METAP1: variants seen among roughly 807,000 people sequenced by gnomAD.
METAP1 encodes the protein methionine aminopeptidase 1.
A neutral mutation model predicts 53.8 loss-of-function variants in METAP1; 28 were observed. The ratio of observed to expected loss-of-function variants is 0.52; its 90% CI spans 0.39 to 0.71. The LOEUF is 0.71. Ranked by LOEUF, METAP1 falls within the 30% of genes least tolerant of loss-of-function variation. The pLI is 0.00. For synonymous variants in METAP1, 181 were observed against 165.7 expected, an observed-to-expected ratio of 1.09 and a Z score of -0.71; for missense variants, 389 against 479.8, an observed-to-expected ratio of 0.81 and a Z score of 1.77.
chr4:99,029,651 T>G (rs1445913106), intron 2 of METAP1, among the ~76,000 whole-genome samples: 1 of 152,146 alleles, frequency 6.6e-6, no homozygotes, highest in Admixed American at 6.6e-5. Context: ...GGAAATAACA[T>G]GGTTATTTAT....
intron 1 of METAP1, chr4:99,022,781 G>T (rs2110311399): frequency 3.1e-6 from 5 of 1,601,598 alleles, no homozygotes; most frequent in East Asian, 2.3e-5. Context: ...CACACTCTTG[G>T]CTATGCGCTT....
At chr4:99,009,090 G>C (rs1326993884) in intron 1 of METAP1, among the ~76,000 whole-genome samples, 2 of 152,074 alleles carry the variant, frequency 1.3e-5, no homozygotes, top group Admixed American at 1.3e-4. Context: ...GTAGGAATTT[G>C]ACTACTTTAG....
intron 1 of METAP1, among the ~76,000 whole-genome samples, chr4:99,025,944 G>A (rs1401203153): frequency 6.6e-6 from 1 of 152,188 alleles, no homozygotes; most frequent in Non-Finnish European, 1.5e-5. Context: ...GTCAGAATAT[G>A]TTTAAATCTA....
At chr4:99,021,646 A>G (rs372474534) in intron 1 of METAP1, among the ~76,000 whole-genome samples, 4 of 152,318 alleles carry the variant, frequency 2.6e-5, no homozygotes, top group South Asian at 2.1e-4. Flanking sequence ...CAAAGGAGAC[A>G]GGGACATTTA....
chr4:99,007,575 T>C (rs1452446961), intron 1 of METAP1, among the ~76,000 whole-genome samples: 1 of 152,072 alleles, frequency 6.6e-6, no homozygotes, highest in Non-Finnish European at 1.5e-5. Context: ...TTTTTTTTTT[T>C]CTGTAAGGTA....
chr4:99,027,551 C>G (rs1213571811), intron 1 of METAP1, among the ~76,000 whole-genome samples: 1 of 151,844 alleles, frequency 6.6e-6, no homozygotes, highest in Non-Finnish European at 1.5e-5. Context: ...GTCACCCCCC[C>G]CCCGCCTTTG....
At chr4:99,012,407 C>T (rs1463941987) in intron 1 of METAP1, among the ~76,000 whole-genome samples, 3 of 151,302 alleles carry the variant, frequency 2.0e-5, no homozygotes, top group Non-Finnish European at 4.4e-5. Context: ...AGTAGCTGCA[C>T]TGACTTACAG....
chr4:99,031,696 A>G (rs1416549728), intron 2 of METAP1: 1 of 847,116 alleles, frequency 1.2e-6, no homozygotes, highest in Admixed American at 2.3e-5. Context: ...CATCTCTGGA[A>G]GACTTGAGTC....
chr4:99,050,571 A>G (rs1372707865), intron 9 of METAP1, among the ~76,000 whole-genome samples: 2 of 152,194 alleles, frequency 1.3e-5, no homozygotes, highest in African/African-American at 2.4e-5. Flanking sequence ...GGCCGCAGAC[A>G]GGTACCAATC....
At chr4:99,027,439 A>T (rs1345472491) in intron 1 of METAP1, among the ~76,000 whole-genome samples, 1 of 152,102 alleles carries the variant, frequency 6.6e-6, no homozygotes, top group African/African-American at 2.4e-5. Flanking sequence ...CCTGCAGAAC[A>T]GACATGGTTT....
In METAP1 at chr4:99,031,553, G is replaced by C. The variant is rs934689153; in HGVS notation, c.166+2635G>C. On this transcript the variant is annotated intron_variant, in intron 2 of 10. Transcript: ENST00000296411. ...TCTTAAACTGGCTCCACCAAACTTT[G>C]TGACCATGGGTTATTCTAAGTCTCA... The C allele has an allele frequency of 1.0e-5, 13 of 1,288,742 alleles. No homozygotes were observed. The African/African-American group carries it at 1.7e-4, about 17-fold the overall frequency. 79.8% of individuals were successfully genotyped at this position (1,288,742 alleles called of 1,614,324 possible). A position where few individuals can be genotyped will look rare whatever the true frequency, so the allele number is the denominator to read the frequency against.
intron 1 of METAP1, among the ~76,000 whole-genome samples, chr4:99,014,515 A>G (rs1311067744): frequency 1.3e-5 from 2 of 152,116 alleles, no homozygotes; most frequent in African/African-American, 4.8e-5. Context: ...GTTTATCGTG[A>G]CCCACCAAAA....
At chr4:99,008,893 A>C (rs1019053926) in intron 1 of METAP1, among the ~76,000 whole-genome samples, 5 of 152,104 alleles carry the variant, frequency 3.3e-5, no homozygotes, top group African/African-American at 1.2e-4. Context: ...AATTTGTTAT[A>C]AAAAACATTT....
chr4:99,046,936 CAAAAAAA>C lies in METAP1; in HGVS notation c.787+1642_787+1648del, dbSNP rs56702946. On this transcript the variant is annotated intron_variant, in intron 8 of 10. Coordinates refer to ENST00000296411, the MANE Select transcript of METAP1 (RefSeq NM_015143.3). ...CTTCTCTGTGAATCAACTGAAGAAA[CAAAAAAA>C]AAAAAAAAAAAAAAAGAAAAAGAAA... Among the ~76,000 whole-genome samples, 692 of 82,228 alleles carry C rather than the reference CAAAAAAA, an allele frequency of 8.4e-3. 4 individuals are homozygous for C. Among genetic ancestry groups the C allele is most frequent in the Admixed American group, 0.021 (136 of 6,440 alleles). The allele number at this position is 82,228 out of a possible 152,430, so 53.9% of individuals were successfully genotyped here. A position where few individuals can be genotyped will look rare whatever the true frequency, so the allele number is the denominator to read the frequency against.
chr4:99,046,913 T>A (rs1726286262), intron 8 of METAP1, among the ~76,000 whole-genome samples: 1 of 140,276 alleles, frequency 7.1e-6, no homozygotes, highest in Admixed American at 7.5e-5. Flanking sequence ...TCTTTTTGCT[T>A]CTCTGTGAAT....
chr4:99,035,513 ACT>A, intron 4 of METAP1, 53 bp downstream of exon 4: 1 of 1,305,710 alleles, frequency 7.7e-7, no homozygotes, highest in Non-Finnish European at 1.1e-6. Context: ...CTTGATGACT[ACT>A]GCAAAGGGAA....
intron 1 of METAP1, among the ~76,000 whole-genome samples, chr4:99,020,605 T>C (rs1366830743): frequency 6.6e-6 from 1 of 152,108 alleles, no homozygotes; most frequent in Non-Finnish European, 1.5e-5. Flanking sequence ...CTGGATATTC[T>C]CTTTTTACCC....
At position 99,041,023 on chromosome 4, in the gene METAP1, T is replaced by C. The variant is rs753196156; in HGVS notation, c.433-20T>C. Reference sequence around the variant, plus strand: ...TGTTTCTGTGTCTTTTTTAATGTATTGAGTGTTCCTTTTTTACAGCTTGCT... The same window carrying C: ...TGTTTCTGTGTCTTTTTTAATGTATCGAGTGTTCCTTTTTTACAGCTTGCT... On this transcript the variant is annotated intron_variant, in intron 5 of 10. Coordinates refer to ENST00000296411, the MANE Select transcript of METAP1 (RefSeq NM_015143.3). 8.2e-6 allele frequency: 13 copies of C among 1,583,938 alleles called. No homozygotes were observed. Among genetic ancestry groups the C allele is most frequent in the Admixed American group, 1.7e-5 (1 of 58,754 alleles).
intron 8 of METAP1, among the ~76,000 whole-genome samples, chr4:99,046,936 CAAAAAA>C (rs56702946): frequency 2.6e-4 from 21 of 82,220 alleles, no homozygotes; most frequent in South Asian, 5.2e-4. Context: ...ACTGAAGAAA[CAAAAAA>C]AAAAAAAAAA....
Sources: gnomAD v4.1 joint callset for allele counts (sites outside exome capture counted in the v4.1 genomes callset) on GRCh38, gnomAD v4.1.1 for gene constraint, MANE v1.5 for transcripts, NCBI Gene and HGNC (gene_info 2026-07-23, HGNC 2026-07-21) for gene names.